The following SLC25A17 variants were observed in gnomAD, a reference collection of about 807,000 sequenced individuals.
SLC25A17 encodes the protein solute carrier family 25 member 17.
SLC25A17 carries 26 observed loss-of-function variants against 38.5 expected under a neutral mutation model. That is an observed-to-expected ratio of 0.68 (90% CI 0.50 to 0.94). The LOEUF (loss-of-function observed/expected upper bound fraction) is 0.94. Among genes scored for constraint, SLC25A17 ranks in the 40% least tolerant of loss-of-function variants. The pLI is 0.00. For missense variants in SLC25A17, 333 were observed against 372.7 expected (o/e 0.89, Z 0.88); for synonymous variants, 139 against 136.2 (o/e 1.02, Z -0.14).
intron 4 of SLC25A17, chr22:40,780,000 A>T (rs1269006559): frequency 6.6e-6 from 1 of 152,406 alleles, no homozygotes; most frequent in Non-Finnish European, 1.5e-5. Flanking sequence ...CAAATGAAGC[A>T]ATGAACAAAC....
At chr22:40,803,169 A>C (rs565689439) in intron 1 of SLC25A17, among the ~76,000 whole-genome samples, 60 of 152,258 alleles carry the variant, frequency 3.9e-4, no homozygotes, top group Admixed American at 1.2e-3. Context: ...GTGTTGCCCA[A>C]GTTGGCCTTG....
intron 4 of SLC25A17, among the ~76,000 whole-genome samples, chr22:40,787,103 C>T (rs1372109793): frequency 6.6e-6 from 1 of 152,086 alleles, no homozygotes; most frequent in Non-Finnish European, 1.5e-5. Context: ...AGAAAGGGCA[C>T]CTAACCCAGA....
rs2057242189 is a variant in SLC25A17 at position 40,776,213 on chromosome 22, C to T, written c.693+827G>A. The T allele has an allele frequency of 3.6e-5, 15 of 412,064 alleles. 1 individual carries two copies. Among genetic ancestry groups the T allele is most frequent in the South Asian group, 2.9e-4 (15 of 52,148 alleles). 25.5% of individuals were successfully genotyped at this position (412,064 alleles called of 1,614,324 possible). A position where few individuals can be genotyped will look rare whatever the true frequency, so the allele number is the denominator to read the frequency against. On this transcript the variant is annotated intron_variant, in intron 7 of 8. Coordinates refer to ENST00000435456, the MANE Select transcript of SLC25A17 (RefSeq NM_006358.4). ...ACCTGTTCATTCTCTCTTCCACTAG[C>T]TCCATAAGGGCAGGGATTATGACTT... is the stretch of plus-strand genomic sequence containing the variant.
chr22:40,817,736 G>A (rs2057657209), intron 1 of SLC25A17, among the ~76,000 whole-genome samples: 1 of 152,102 alleles, frequency 6.6e-6, no homozygotes, highest in African/African-American at 2.4e-5. Context: ...CAACACAGCA[G>A]CCAGGGTGAT....
intron 2 of SLC25A17, among the ~76,000 whole-genome samples, chr22:40,795,791 T>C (rs1174325812): frequency 6.6e-6 from 1 of 151,550 alleles, no homozygotes; most frequent in Non-Finnish European, 1.5e-5. Flanking sequence ...CAAGTTTCTT[T>C]TTTCTTTTTT....
rs1055416374 is a variant in SLC25A17 at position 40,779,077 on chromosome 22, C to T, written c.383G>A (p.Arg128Lys). The change falls in exon 5 of 9, where the codon AGA (arginine) becomes AAA (lysine). Residue 128 changes from arginine to lysine, a missense_variant. Arg to Lys is a conservative substitution (Grantham distance 26, BLOSUM62 2). Transcript: ENST00000435456. Reference sequence around the variant, plus strand: ...AAATTTTGCTCCTTGAAGCTTCAGTCTGGTGTTTACCACCCAGAGTGGAGT... The same window carrying T: ...AAATTTTGCTCCTTGAAGCTTCAGTTTGGTGTTTACCACCCAGAGTGGAGT... ...LTTPLWVVNT[R>K]LKLQGAKFRN... 7 of 1,614,206 alleles carry T rather than the reference C, an allele frequency of 4.3e-6. No homozygotes were observed. The highest frequency in any genetic ancestry group is 3.3e-5 in the Admixed American group (2 of 60,028).
chr22:40,808,430 C>T (rs1430148610), intron 1 of SLC25A17, among the ~76,000 whole-genome samples: 1 of 152,202 alleles, frequency 6.6e-6, no homozygotes, highest in African/African-American at 2.4e-5. Flanking sequence ...TCTCTGACTC[C>T]TACTCCTACT....
chr22:40,788,945 C>G, intron 4 of SLC25A17: 1 of 312,970 alleles, frequency 3.2e-6, no homozygotes, highest in South Asian at 4.0e-5. Context: ...CTGAGGTAGC[C>G]AACAACGGCC....
intron 7 of SLC25A17, chr22:40,776,328 G>T (rs2057243214): frequency 2.1e-6 from 1 of 467,694 alleles, no homozygotes; most frequent in Non-Finnish European, 4.4e-6. Flanking sequence ...ATAAAAAACA[G>T]AAGTTTGAGA....
At chr22:40,774,042 C>A (rs1424279522) in intron 7 of SLC25A17, 23 bp from the exon 8 acceptor site, 3 of 1,465,402 alleles carry the variant, frequency 2.0e-6, no homozygotes, top group Non-Finnish European at 2.9e-6. Context: ...GGAAAAAAAA[C>A]AAAAGTACTG....
At position 40,774,132 on chromosome 22, in the gene SLC25A17, T is replaced by C. The variant is rs1232146521; in HGVS notation, c.694-113A>G. 1.7e-5 allele frequency: 11 copies of C among 633,684 alleles called. 1 individual carries two copies. In the East Asian group the frequency reaches 3.0e-4, roughly 17 times the overall value. The allele number at this position is 633,684 out of a possible 1,614,324, so 39.3% of individuals were successfully genotyped here. Reference sequence around the variant, plus strand: ...GTATCTTATAGCATACATTAATAAATTTATCCAATTAGTACCATAGATTTC... The same window carrying C: ...GTATCTTATAGCATACATTAATAAACTTATCCAATTAGTACCATAGATTTC... On this transcript the variant is annotated intron_variant, in intron 7 of 8. Transcript: ENST00000435456.
At chr22:40,801,754 T>C (rs2145691023) in intron 1 of SLC25A17, among the ~76,000 whole-genome samples, 1 of 152,310 alleles carries the variant, frequency 6.6e-6, no homozygotes, top group South Asian at 2.1e-4. Flanking sequence ...TTATTAAGGC[T>C]CTGGCACTCA....
At chr22:40,793,553 G>A (rs1395945655) in intron 3 of SLC25A17, among the ~76,000 whole-genome samples, 1 of 152,062 alleles carries the variant, frequency 6.6e-6, no homozygotes, top group African/African-American at 2.4e-5. Flanking sequence ...GGCCAATAAT[G>A]TATAACCTCA....
intron 3 of SLC25A17, 71 bp from the exon 4 acceptor site, chr22:40,792,747 A>G: frequency 6.6e-7 from 1 of 1,519,278 alleles, no homozygotes; most frequent in Non-Finnish European, 9.1e-7. Flanking sequence ...AATCCTAGGA[A>G]AGGCTGACCA....
intron 1 of SLC25A17, chr22:40,817,320 CCTT>C (rs2057651418): frequency 6.6e-6 from 1 of 152,380 alleles, no homozygotes; most frequent in Admixed American, 6.5e-5. Context: ...ACTGATCCAT[CCTT>C]CGTTTGTCTC....
At chr22:40,804,257 C>T (rs1381830241) in intron 1 of SLC25A17, among the ~76,000 whole-genome samples, 1 of 152,128 alleles carries the variant, frequency 6.6e-6, no homozygotes, top group Non-Finnish European at 1.5e-5. Context: ...AGAGACAATC[C>T]ATCCTTGCCC....
intron 7 of SLC25A17, chr22:40,776,097 TAAG>T (rs1202256074): frequency 3.5e-6 from 1 of 283,996 alleles, no homozygotes; most frequent in Non-Finnish European, 6.9e-6. Context: ...TCATGCTATC[TAAG>T]AAGAGCCCCA....
intron 1 of SLC25A17, among the ~76,000 whole-genome samples, chr22:40,814,781 ATATATATATT>A (rs1462198896): frequency 5.4e-4 from 38 of 70,104 alleles, no homozygotes; most frequent in African/African-American, 2.5e-3. Context: ...ATATATATAT[ATATATATATT>A]GTTGTTGTTG....
chr22:40,797,791 C>T (rs920184115), intron 2 of SLC25A17, among the ~76,000 whole-genome samples: 2 of 152,244 alleles, frequency 1.3e-5, no homozygotes, highest in Admixed American at 1.3e-4. Context: ...AATCACTAGA[C>T]TGGGGTGGAG....
Sources: gnomAD v4.1 joint callset for allele counts (sites outside exome capture counted in the v4.1 genomes callset) on GRCh38, gnomAD v4.1.1 for gene constraint, MANE v1.5 for transcripts, NCBI Gene and HGNC (gene_info 2026-07-23, HGNC 2026-07-21) for gene names.